Variants in DNAH6 observed in about 807,000 individuals in gnomAD.
The protein encoded by DNAH6 is axonemal beta dynein heavy chain 6.
DNAH6 carries 340 observed loss-of-function variants against 491.4 expected under a neutral mutation model. That is an observed-to-expected ratio of 0.69 (90% confidence interval 0.63 to 0.76). DNAH6 has a LOEUF of 0.76. Ranked by LOEUF, DNAH6 falls within the 30% of genes least tolerant of loss-of-function variation. The pLI is 0.00. For missense variants in DNAH6, 4,443 were observed against 4,972.2 expected (o/e 0.89, Z 3.20); for synonymous variants, 1,603 against 1,686.1 (o/e 0.95, Z 1.21).
Position 84,720,267 on chromosome 2 carries a change from C to CTTTTTT in DNAH6, c.9792+1907_9792+1912dup, listed in dbSNP as rs56944137. The stretch of plus-strand genomic sequence containing the variant: ...GCCCTTCCCACTTCCAAGAGTGCTT[C>CTTTTTT]TTTTTTTTTTTTTTTTTTTTTTTTT... On this transcript the variant is annotated intron_variant, in intron 59 of 76. Transcript: ENST00000389394. 2.0e-4 allele frequency among the ~76,000 whole-genome samples: 10 copies of CTTTTTT among 49,480 alleles called. 1 individual carries two copies. The highest frequency in any genetic ancestry group is 2.6e-4 in the Non-Finnish European group (7 of 27,030). The allele number at this position is 49,480 out of a possible 152,430, so 32.5% of individuals were successfully genotyped here. A position where few individuals can be genotyped will look rare whatever the true frequency, so the allele number is the denominator to read the frequency against.
rs1176376206 is a variant in DNAH6, at chr2:84,812,328, T to G, written c.11740-13T>G. 6 of 1,550,106 alleles carry G rather than the reference T, an allele frequency of 3.9e-6. No homozygotes were observed. The highest frequency in any genetic ancestry group is 4.4e-6 in the Non-Finnish European group (5 of 1,145,956). On this transcript the variant is annotated splice_polypyrimidine_tract_variant and intron_variant, in intron 72 of 76. Transcript: ENST00000389394. Reference sequence around the variant, plus strand: ...ATCTGCAAAGGCCACCAACCCCTTTTTTGTTCTTTCAGACTTCTCTGGAAA... The same window carrying G: ...ATCTGCAAAGGCCACCAACCCCTTTGTTGTTCTTTCAGACTTCTCTGGAAA...
chr2:84,479,917 TGTAATA>T, the DNAH6 span, among the ~76,000 whole-genome samples: 3 of 152,254 alleles, frequency 2.0e-5, no homozygotes, highest in Non-Finnish European at 4.4e-5. Flanking sequence ...GGCTTAAGGC[TGTAATA>T]GTTGCCTTTT....
intron 57 of DNAH6, among the ~76,000 whole-genome samples, chr2:84,714,946 T>A (rs564436260): frequency 6.6e-6 from 1 of 151,728 alleles, no homozygotes; most frequent in African/African-American, 2.4e-5. Flanking sequence ...ACTCTTGTTA[T>A]ACTTACTGGT....
rs1049263657 is a variant in DNAH6, at chr2:84,581,104, G to T, written c.2229+1425G>T. Among the ~76,000 whole-genome samples the T allele has an allele frequency of 2.6e-5, 4 of 152,154 alleles. No homozygotes were observed. In the South Asian group the frequency reaches 8.3e-4, roughly 32 times the overall value. On this transcript the variant is annotated intron_variant, in intron 14 of 76. Transcript: ENST00000389394. ...CTCTTTTTCAGTATTGATTCTAAAG[G>T]CCTAGTAAATTGATTCAGAGCTCCT...
chr2:84,583,202 A>G (rs1201835502), intron 14 of DNAH6, among the ~76,000 whole-genome samples: 2 of 152,220 alleles, frequency 1.3e-5, no homozygotes, highest in African/African-American at 4.8e-5. Context: ...GAATCTCACC[A>G]TAGATCTGGG....
rs1439232602 is a variant in DNAH6, at chr2:84,672,317, A to T, written c.6455-10A>T. The stretch of plus-strand genomic sequence containing the variant: ...ATAATTCTTAAATTAAATTCATTTT[A>T]TTTCCCTAGGAGCACCGGGAAACAA... On this transcript the variant is annotated splice_polypyrimidine_tract_variant and intron_variant, in intron 39 of 76. Transcript: ENST00000389394. The T allele has an allele frequency of 6.5e-7, 1 of 1,533,632 alleles. No individual in the cohort carries two copies.
At chr2:84,508,438 T>A in the DNAH6 span, among the ~76,000 whole-genome samples, 1 of 152,174 alleles carries the variant, frequency 6.6e-6, no homozygotes, top group Non-Finnish European at 1.5e-5. Context: ...TTTTATTGCG[T>A]CTATTTGATT....
intron 2 of DNAH6, among the ~76,000 whole-genome samples, chr2:84,524,549 G>T (rs183378507): frequency 1.3e-5 from 2 of 151,972 alleles, no homozygotes; most frequent in African/African-American, 2.4e-5. Flanking sequence ...ATATACTTAA[G>T]TGTGTTTTTG....
rs755665673 is a variant in DNAH6 at position 84,721,636 on chromosome 2, A to T, written c.9793-989A>T. 3.1e-4 allele frequency among the ~76,000 whole-genome samples: 47 copies of T among 152,214 alleles called. 1 individual carries two copies. Among genetic ancestry groups the T allele is most frequent in the Non-Finnish European group, 1.0e-4 (7 of 68,030 alleles). ...TTTTATGTGGATTATATGTTGATAT[A>T]ATATTTTGGGTAGATTAAAAATATA... On this transcript the variant is annotated intron_variant, in intron 59 of 76. Transcript: ENST00000389394.
chr2:84,747,670 G>T (rs765078507), intron 63 of DNAH6, among the ~76,000 whole-genome samples: 1 of 152,176 alleles, frequency 6.6e-6, no homozygotes, highest in Non-Finnish European at 1.5e-5. Flanking sequence ...TGGGGACTCT[G>T]TGTGGGGGCT....
chr2:84,561,898 C>G (rs1680713572), intron 11 of DNAH6, among the ~76,000 whole-genome samples: 1 of 152,014 alleles, frequency 6.6e-6, no homozygotes, highest in East Asian at 1.9e-4. Context: ...TTATTAGGAA[C>G]CTACTACAGG....
intron 49 of DNAH6, among the ~76,000 whole-genome samples, chr2:84,702,337 A>G (rs571684210): frequency 2.6e-4 from 39 of 152,318 alleles, no homozygotes; most frequent in African/African-American, 8.7e-4. Flanking sequence ...TGACACATAT[A>G]AAGTGCTCAG....
At chr2:84,512,227 A>C (rs949426124), upstream of DNAH6, among the ~76,000 whole-genome samples, 1 of 152,198 alleles carries the variant, frequency 6.6e-6, no homozygotes, top group African/African-American at 2.4e-5. Flanking sequence ...ATAATTCATA[A>C]AGAACAAAGA....
Position 84,525,672 on chromosome 2 carries a change from A to G in DNAH6, c.333A>G (p.Ala111=), listed in dbSNP as rs778720651. The change falls in exon 3 of 77, where the codon GCA becomes GCG. Residue 111 remains alanine, a synonymous_variant. Transcript: ENST00000389394. ...TCATTAAACGTCCAGTAAGCATAGC[A>G]AAAAAAAGTTTTGCCACATCATCTA... ...AGIIKRPVSI[A]KKSFATSSTQ... is the part of the protein sequence containing the mutation. 8 of 1,544,968 alleles carry G rather than the reference A, an allele frequency of 5.2e-6. No homozygotes were observed. The South Asian group carries it at 8.4e-5, about 16-fold the overall frequency.
rs1468092453 is a variant in DNAH6, at chr2:84,544,378, A to G, written c.808A>G (p.Ile270Val). 6.5e-7 allele frequency: 1 copy of G among 1,546,354 alleles called. No homozygotes were observed. The highest frequency in any genetic ancestry group is 8.8e-7 in the Non-Finnish European group (1 of 1,142,306). ...EYLYHRELTK[I>V]PIFSLFRKWK... ...TCTGTATCACAGAGAACTCACTAAG[A>G]TTCCCATATTTTCACTGTTCCGGAA... The change falls in exon 5 of 77, where the codon ATT becomes GTT. Residue 270 changes from isoleucine to valine, a missense_variant. This residue lies in a region of DNAH6 where 2,977 missense variants were observed against 3,296.6 expected (regional missense o/e 0.90). Transcript: ENST00000389394.
intron 70 of DNAH6, among the ~76,000 whole-genome samples, chr2:84,804,775 G>A (rs1031166239): frequency 8.6e-5 from 13 of 151,944 alleles, no homozygotes; most frequent in African/African-American, 2.9e-4. Context: ...TCATTTTTAA[G>A]CATACAGTTC....
chr2:84,613,947 A>G (rs1686578812), intron 22 of DNAH6, among the ~76,000 whole-genome samples: 2 of 152,082 alleles, frequency 1.3e-5, no homozygotes, highest in African/African-American at 4.8e-5. Flanking sequence ...ACTTTAAATT[A>G]TCTCGTTATT....
the DNAH6 span, among the ~76,000 whole-genome samples, chr2:84,503,281 A>G: frequency 6.6e-6 from 1 of 152,152 alleles, no homozygotes; most frequent in Non-Finnish European, 1.5e-5. Flanking sequence ...TAAAAACTCT[A>G]TGCTTTAACT....
At chr2:84,733,954 C>T (rs907252926) in intron 62 of DNAH6, among the ~76,000 whole-genome samples, 4 of 151,632 alleles carry the variant, frequency 2.6e-5, no homozygotes, top group African/African-American at 9.7e-5. Flanking sequence ...GATTAGCTAT[C>T]ACAAACTGTG....
Sources: gnomAD v4.1 joint callset for allele counts (sites outside exome capture counted in the v4.1 genomes callset) on GRCh38, gnomAD v4.1.1 for gene constraint, gnomAD v4.1.1 regional missense constraint, MANE v1.5 for transcripts, NCBI Gene and HGNC (gene_info 2026-07-23, HGNC 2026-07-21) for gene names.